SNX24: variants seen among roughly 807,000 people sequenced by gnomAD.
SNX24 encodes sorting nexin 24.
Under a neutral mutation model 28.7 loss-of-function variants are expected in SNX24, and 22 were observed. That is an observed-to-expected ratio of 0.77 (90% confidence interval 0.55 to 1.10). The LOEUF (loss-of-function observed/expected upper bound fraction) is 1.10. SNX24 is among the 50% of genes least tolerant of loss of function. The probability of loss-of-function intolerance (pLI) is 0.00; values close to 1 mark genes in which losing one functional copy is unlikely to be tolerated. For missense variants in SNX24, 221 were observed against 201.1 expected (o/e 1.10, Z -0.60); for synonymous variants, 69 against 71.5 (o/e 0.96, Z 0.18).
intron 5 of SNX24, chr5:123,023,682 A>C: frequency 2.5e-6 from 2 of 790,984 alleles, no homozygotes; most frequent in Non-Finnish European, 3.5e-6. Context: ...GTCCCTAAGC[A>C]GGTGGTTTAC....
chr5:122,877,672 T>A (rs1253499774), intron 1 of SNX24, among the ~76,000 whole-genome samples: 4 of 152,196 alleles, frequency 2.6e-5, no homozygotes, highest in Non-Finnish European at 5.9e-5. Context: ...TGTCTCATGA[T>A]CTTCTGCCTA....
chr5:122,851,502 C>T (rs1021679950), intron 1 of SNX24, among the ~76,000 whole-genome samples: 9 of 152,126 alleles, frequency 5.9e-5, no homozygotes, highest in Non-Finnish European at 1.0e-4. Context: ...AAAATCACAG[C>T]GTTGAATTAG....
chr5:123,014,673 ATCT>A (rs977670838), intron 5 of SNX24, among the ~76,000 whole-genome samples: 9 of 152,114 alleles, frequency 5.9e-5, no homozygotes, highest in Non-Finnish European at 1.2e-4. Flanking sequence ...AACCAGGGTG[ATCT>A]TTTTAAAATG....
intron 3 of SNX24, among the ~76,000 whole-genome samples, chr5:122,995,790 A>C (rs1762032326): frequency 6.6e-6 from 1 of 152,154 alleles, no homozygotes; most frequent in African/African-American, 2.4e-5. Context: ...TGCATCCAGG[A>C]ATGGGATGAG....
chr5:123,000,062 A>G (rs548495479), intron 4 of SNX24, 56 bp downstream of exon 4: 191 of 1,174,410 alleles, frequency 1.6e-4, no homozygotes, highest in Non-Finnish European at 2.0e-4. Context: ...TCAATGACCA[A>G]TTGATCTAAC....
intron 3 of SNX24, among the ~76,000 whole-genome samples, chr5:122,950,270 AT>A (rs1210284237): frequency 6.6e-6 from 1 of 152,220 alleles, no homozygotes; most frequent in East Asian, 1.9e-4. Context: ...TAACTTGAAG[AT>A]AAAAGCAAGT....
rs776601685 is a variant in SNX24, at chr5:123,001,432, G to C, written c.372G>C (p.Glu124Asp). 1 of 1,605,118 alleles carries C rather than the reference G, an allele frequency of 6.2e-7. No homozygotes were observed. Among genetic ancestry groups the C allele is most frequent in the Non-Finnish European group, 8.5e-7 (1 of 1,172,764 alleles). The change falls in exon 5 of 7, where the codon GAG (glutamate) becomes GAC (aspartate). Residue 124 changes from glutamate (E) to aspartate (D), a missense_variant. Physicochemically the swap from Glu to Asp is conservative, Grantham distance 45. Transcript: ENST00000261369. ...CTTTTGATGAAACAGAGTCTGAAGA[G>C]TCAAGGTAAGGACTAATCCTCATCA... ...CGSFDETESE[E>D]SSKLSHQPVL...
intron 1 of SNX24, among the ~76,000 whole-genome samples, chr5:122,910,342 G>A (rs921354601): frequency 2.0e-5 from 3 of 152,000 alleles, no homozygotes; most frequent in Non-Finnish European, 2.9e-5. Flanking sequence ...TTTTACTTTT[G>A]AAATTCTTTT....
chr5:123,007,655 T>C, intron 6 of SNX24, 27 bp from the exon 7 acceptor site: 1 of 1,562,612 alleles, frequency 6.4e-7, no homozygotes, highest in Non-Finnish European at 8.7e-7. Context: ...TTTCTTTTTT[T>C]TTTCTTTTTT....
At chr5:123,023,859 T>C in intron 5 of SNX24, 1 of 1,601,152 alleles carries the variant, frequency 6.2e-7, no homozygotes, top group Non-Finnish European at 8.5e-7. Flanking sequence ...CATATCCTTG[T>C]TTTCTGCCAG....
chr5:122,997,674 A>T (rs530000423), intron 3 of SNX24, among the ~76,000 whole-genome samples: 23 of 152,350 alleles, frequency 1.5e-4, no homozygotes, highest in African/African-American at 4.8e-4. Context: ...TACTGCGGTG[A>T]TGGATGACAC....
Position 122,980,834 on chromosome 5 carries a change from GA to G in SNX24, c.250-19074del, listed in dbSNP as rs575544048. On this transcript the variant is annotated intron_variant, in intron 3 of 6. Coordinates refer to ENST00000261369, the MANE Select transcript of SNX24 (RefSeq NM_014035.4). Reference sequence around the variant, plus strand: ...GCCTTGTCAGACTCAAAAGGAAGTTGAAAAGAAAGAAGACCTTCACTCTACA... The same window carrying G: ...GCCTTGTCAGACTCAAAAGGAAGTTGAAAGAAAGAAGACCTTCACTCTACA... Among the ~76,000 whole-genome samples, 158 of 152,036 alleles carry G rather than the reference GA, an allele frequency of 1.0e-3. 1 individual carries two copies. The highest frequency in any genetic ancestry group is 3.6e-3 in the African/African-American group (151 of 41,462).
intron 1 of SNX24, among the ~76,000 whole-genome samples, chr5:122,846,949 G>T (rs1363891791): frequency 4.0e-5 from 6 of 148,380 alleles, no homozygotes; most frequent in African/African-American, 1.5e-4. Flanking sequence ...CCTCGAGTTT[G>T]TTCAAGGCTT....
intron 3 of SNX24, among the ~76,000 whole-genome samples, chr5:122,971,952 G>A (rs1479190956): frequency 6.6e-6 from 1 of 152,170 alleles, no homozygotes; most frequent in Non-Finnish European, 1.5e-5. Context: ...TGCCTGGATT[G>A]GGCTGTTGTA....
chr5:123,021,535 C>G (rs1208426987), intron 5 of SNX24, among the ~76,000 whole-genome samples: 1 of 152,200 alleles, frequency 6.6e-6, no homozygotes, highest in Non-Finnish European at 1.5e-5. Context: ...CTTTCTAAAG[C>G]CAGTCCCAGG....
intron 1 of SNX24, among the ~76,000 whole-genome samples, chr5:122,914,927 G>C (rs1474491289): frequency 1.3e-5 from 2 of 152,142 alleles, no homozygotes; most frequent in Admixed American, 1.3e-4. Context: ...GAAGGCTATG[G>C]GTTGGATGAT....
At chr5:122,987,795 A>T (rs1761667013) in intron 3 of SNX24, among the ~76,000 whole-genome samples, 1 of 152,138 alleles carries the variant, frequency 6.6e-6, no homozygotes, top group African/African-American at 2.4e-5. Flanking sequence ...CTTTATTGGA[A>T]CTTATTGGCC....
At chr5:122,970,492 G>A (rs996800012) in intron 3 of SNX24, among the ~76,000 whole-genome samples, 20 of 151,864 alleles carry the variant, frequency 1.3e-4, no homozygotes, top group South Asian at 4.2e-4. Flanking sequence ...TTTTTGAGAC[G>A]GAGTCTCGCT....
chr5:123,003,722 A>C (rs1012604189), intron 6 of SNX24, among the ~76,000 whole-genome samples: 7 of 152,234 alleles, frequency 4.6e-5, no homozygotes, highest in Non-Finnish European at 7.3e-5. Flanking sequence ...AACAGGAGGA[A>C]CTTTCTGGGA....
Sources: allele counts gnomAD v4.1 joint callset (sites outside exome capture counted in the v4.1 genomes callset), GRCh38; gene constraint gnomAD v4.1.1; transcripts MANE v1.5; gene names NCBI Gene and HGNC (gene_info 2026-07-23, HGNC 2026-07-21).